The following PCDHA9 variants were observed in gnomAD, a reference collection of about 807,000 sequenced individuals.
PCDHA9 encodes protocadherin alpha 9.
In PCDHA9, 62 loss-of-function variants were observed where a neutral mutation model predicts 62.0. The observed-to-expected ratio is 1.00, with a 90% CI of 0.81 to 1.23. PCDHA9 has a LOEUF of 1.23. Among genes scored for constraint, PCDHA9 ranks in the 50% most tolerant of loss-of-function variants. The pLI is 0.00. For synonymous variants in PCDHA9, 557 were observed against 567.6 expected, an observed-to-expected ratio of 0.98 and a Z score of 0.27; for missense variants, 1,205 against 1,249.8, an observed-to-expected ratio of 0.96 and a Z score of 0.54.
intron 1 of PCDHA9, chr5:140,966,646 G>A: frequency 1.8e-6 from 2 of 1,139,684 alleles, no homozygotes; most frequent in Non-Finnish European, 2.3e-6. Flanking sequence ...TTTCTAGAGC[G>A]TGAGCGGTGG....
intron 3 of PCDHA9, among the ~76,000 whole-genome samples, chr5:140,997,793 T>G (rs2097785892): frequency 6.6e-6 from 1 of 152,112 alleles, no homozygotes; most frequent in Non-Finnish European, 1.5e-5. Context: ...ATATTATAAT[T>G]TATCCAATTT....
intron 3 of PCDHA9, among the ~76,000 whole-genome samples, chr5:140,984,413 CAGAGAT>C (rs1244237847): frequency 1.3e-5 from 2 of 152,148 alleles, no homozygotes; most frequent in African/African-American, 4.8e-5. Context: ...ATCTTTTTTA[CAGAGAT>C]AGAGAAGGGG....
intron 3 of PCDHA9, among the ~76,000 whole-genome samples, chr5:140,992,975 T>G (rs2097535680): frequency 6.6e-6 from 1 of 152,178 alleles, no homozygotes; most frequent in Admixed American, 6.6e-5. Context: ...TGACAATGAT[T>G]AGGCCATGGG....
intron 1 of PCDHA9, 41 bp from the exon 2 acceptor site, chr5:140,978,908 T>C: frequency 6.2e-7 from 1 of 1,613,772 alleles, no homozygotes; most frequent in Non-Finnish European, 8.5e-7. Context: ...GAGAACATTG[T>C]CTTGTCATTT....
intron 3 of PCDHA9, among the ~76,000 whole-genome samples, chr5:141,005,934 G>A (rs556608068): frequency 3.4e-4 from 52 of 151,912 alleles, no homozygotes; most frequent in Non-Finnish European, 7.2e-4. Context: ...TTGACAGAGT[G>A]AGAACCTATC....
intron 1 of PCDHA9, among the ~76,000 whole-genome samples, chr5:140,938,718 G>A (rs1186763511): frequency 5.3e-5 from 8 of 151,986 alleles, no homozygotes; most frequent in Non-Finnish European, 1.0e-4. Flanking sequence ...ATAGAAACGC[G>A]TTTCTACAGA....
In PCDHA9 at chr5:140,858,081, C is replaced by G. The variant is rs782778779; in HGVS notation, c.2394+7192C>G. 1.0e-5 allele frequency: 16 copies of G among 1,597,646 alleles called. No individual in the cohort carries two copies. Among genetic ancestry groups the G allele is most frequent in the Admixed American group, 1.7e-5 (1 of 59,270 alleles). On this transcript the variant is annotated intron_variant, in intron 1 of 3. Transcript: ENST00000532602. The stretch of plus-strand genomic sequence containing the variant: ...GAGGGCAGCCAGGCACCCAAGGCCT[C>G]GTCGCGGGCTTCAGTGGGCGTGGCG...
At chr5:140,987,592 G>T (rs150671243) in intron 3 of PCDHA9, among the ~76,000 whole-genome samples, 2 of 152,172 alleles carry the variant, frequency 1.3e-5, no homozygotes, top group African/African-American at 4.8e-5. Flanking sequence ...GAGAATAGTG[G>T]TGTCTACCTT....
At chr5:140,882,768 C>T (rs1554175511) in intron 1 of PCDHA9, 1 of 1,614,222 alleles carries the variant, frequency 6.2e-7, no homozygotes, top group East Asian at 2.2e-5. Context: ...GTAAACTCGG[C>T]ATTGACCTAC....
chr5:140,999,712 C>T (rs1411166924), intron 3 of PCDHA9, among the ~76,000 whole-genome samples: 9 of 152,204 alleles, frequency 5.9e-5, no homozygotes, highest in African/African-American at 9.6e-5. Flanking sequence ...TAGCTAACTA[C>T]GGAGACCAGC....
intron 1 of PCDHA9, among the ~76,000 whole-genome samples, chr5:140,960,168 T>C (rs569250147): frequency 9.2e-5 from 14 of 152,300 alleles, no homozygotes; most frequent in African/African-American, 3.1e-4. Flanking sequence ...AATACAATTC[T>C]TAAGTTAGGG....
At chr5:140,873,076 AT>A (rs2054077114) in intron 1 of PCDHA9, among the ~76,000 whole-genome samples, 1 of 152,056 alleles carries the variant, frequency 6.6e-6, no homozygotes, top group South Asian at 2.1e-4. Flanking sequence ...ATATCTAGCT[AT>A]TTCCCCCCCG....
chr5:140,919,709 G>T (rs782509447), intron 1 of PCDHA9, among the ~76,000 whole-genome samples: 5 of 152,076 alleles, frequency 3.3e-5, no homozygotes, highest in Non-Finnish European at 7.4e-5. Context: ...CTTAATTCTA[G>T]TGAGATATAA....
intron 1 of PCDHA9, chr5:140,852,478 A>G: frequency 5.0e-6 from 1 of 199,118 alleles, no homozygotes. Flanking sequence ...GGGTTTCATC[A>G]TGTTGGCCAG....
At chr5:140,926,129 G>C (rs2082926412) in intron 1 of PCDHA9, among the ~76,000 whole-genome samples, 1 of 152,178 alleles carries the variant, frequency 6.6e-6, no homozygotes, top group African/African-American at 2.4e-5. Flanking sequence ...ACTTCAACCC[G>C]CAGCAGGATC....
chr5:140,891,956 G>T (rs528674370), intron 1 of PCDHA9, among the ~76,000 whole-genome samples: 1 of 152,344 alleles, frequency 6.6e-6, no homozygotes, highest in South Asian at 2.1e-4. Flanking sequence ...CCAGAATTGT[G>T]AGAAGTAAAT....
chr5:140,869,564 T>A, intron 1 of PCDHA9: 2 of 1,614,176 alleles, frequency 1.2e-6, no homozygotes, highest in South Asian at 2.2e-5. Context: ...CGTTTTCCAC[T>A]AGAGGGAGCT....
At chr5:140,874,079 T>C (rs1397045171) in intron 1 of PCDHA9, among the ~76,000 whole-genome samples, 2 of 152,234 alleles carry the variant, frequency 1.3e-5, no homozygotes, top group African/African-American at 4.8e-5. Flanking sequence ...CCTGATGACA[T>C]CAAAATTCAA....
rs189226531 is a variant in PCDHA9, at chr5:140,874,455, T to C, written c.2394+23566T>C. 5.3e-5 allele frequency among the ~76,000 whole-genome samples: 8 copies of C among 152,332 alleles called. No homozygotes were observed. The East Asian group carries it at 1.5e-3, about 29-fold the overall frequency. On this transcript the variant is annotated intron_variant, in intron 1 of 3. Coordinates refer to ENST00000532602, the MANE Select transcript of PCDHA9 (RefSeq NM_031857.2). ...CATGTCCTAACTACTAAATGACCTG[T>C]AGGGGAAGATTTAGAGAAAAAGCAA...
Sources: gnomAD v4.1 joint callset for allele counts (sites outside exome capture counted in the v4.1 genomes callset) on GRCh38, gnomAD v4.1.1 for gene constraint, MANE v1.5 for transcripts, NCBI Gene and HGNC (gene_info 2026-07-23, HGNC 2026-07-21) for gene names.